The following ARHGAP42 variants were observed in gnomAD, a reference collection of about 807,000 sequenced individuals.
The protein encoded by ARHGAP42 is rho GTPase-activating protein 42.
In ARHGAP42, 63 loss-of-function variants were observed where a neutral mutation model predicts 125.0. The observed-to-expected ratio is 0.50, with a 90% CI of 0.41 to 0.62. ARHGAP42 has a LOEUF of 0.62. Ranked by LOEUF, ARHGAP42 falls within the 20% of genes least tolerant of loss-of-function variation. The probability of loss-of-function intolerance (pLI) is 0.00; values close to 1 mark genes in which losing one functional copy is unlikely to be tolerated. For synonymous variants in ARHGAP42, 339 were observed against 351.0 expected (o/e 0.97, Z 0.38); for missense variants, 766 against 1,024.2 (o/e 0.75, Z 3.44).
chr11:100,741,424 G>A (rs569651842), intron 1 of ARHGAP42, among the ~76,000 whole-genome samples: 1 of 152,336 alleles, frequency 6.6e-6, no homozygotes, highest in South Asian at 2.1e-4. Flanking sequence ...TAAAGTGTGT[G>A]TGAATAGAGA....
intron 1 of ARHGAP42, among the ~76,000 whole-genome samples, chr11:100,763,123 C>A (rs536682816): frequency 6.6e-6 from 1 of 151,394 alleles, no homozygotes; most frequent in South Asian, 2.1e-4. Flanking sequence ...GGGATACAGG[C>A]ATGCGCTACC....
At chr11:100,900,727 T>C (rs557317658) in intron 4 of ARHGAP42, among the ~76,000 whole-genome samples, 1 of 152,312 alleles carries the variant, frequency 6.6e-6, no homozygotes, top group South Asian at 2.1e-4. Context: ...GTATGCATCA[T>C]GAAGTTCTCT....
intron 3 of ARHGAP42, among the ~76,000 whole-genome samples, chr11:100,822,816 C>A (rs557856947): frequency 6.6e-6 from 1 of 152,188 alleles, no homozygotes; most frequent in South Asian, 2.1e-4. Context: ...TGGGAGACAT[C>A]TTTAGATAAT....
intron 4 of ARHGAP42, among the ~76,000 whole-genome samples, chr11:100,867,466 C>T (rs1565249796): frequency 2.6e-5 from 4 of 152,232 alleles, no homozygotes; most frequent in Non-Finnish European, 1.5e-5. Context: ...TACTTTTCTT[C>T]CCCATGAACC....
chr11:100,733,553 G>A (rs898948966), intron 1 of ARHGAP42, among the ~76,000 whole-genome samples: 2 of 152,122 alleles, frequency 1.3e-5, no homozygotes, highest in Non-Finnish European at 2.9e-5. Context: ...GCTGCATGCT[G>A]TGGCTCATGC....
chr11:100,829,378 T>G (rs1864609267), intron 3 of ARHGAP42, among the ~76,000 whole-genome samples: 1 of 151,750 alleles, frequency 6.6e-6, no homozygotes, highest in Admixed American at 6.6e-5. Flanking sequence ...AAAAAAAGAC[T>G]TTCAAGACTT....
At chr11:100,783,870 C>T (rs1391931579) in intron 2 of ARHGAP42, among the ~76,000 whole-genome samples, 1 of 152,154 alleles carries the variant, frequency 6.6e-6, no homozygotes, top group Non-Finnish European at 1.5e-5. Flanking sequence ...TGCAAAGAAC[C>T]TCCTGGTTCA....
chr11:100,713,339 T>C (rs1861596395), intron 1 of ARHGAP42, among the ~76,000 whole-genome samples: 1 of 152,150 alleles, frequency 6.6e-6, no homozygotes, highest in African/African-American at 2.4e-5. Context: ...AGGAGAAAAT[T>C]TGAGACTTGG....
intron 21 of ARHGAP42, 58 bp downstream of exon 21, chr11:100,977,029 GT>G: frequency 1.3e-6 from 2 of 1,534,294 alleles, no homozygotes; most frequent in Non-Finnish European, 1.8e-6. Flanking sequence ...GGAGTTGAGT[GT>G]TTCAGAAGAA....
intron 5 of ARHGAP42, among the ~76,000 whole-genome samples, chr11:100,919,495 G>C (rs1039742939): frequency 6.6e-6 from 1 of 151,898 alleles, no homozygotes; most frequent in Non-Finnish European, 1.5e-5. Context: ...AAACATTTTA[G>C]ACTCTAAAGG....
chr11:100,962,377 A>G (rs1441987487), intron 15 of ARHGAP42, 32 bp from the exon 16 acceptor site: 2 of 1,530,302 alleles, frequency 1.3e-6, no homozygotes, highest in Non-Finnish European at 1.8e-6. Flanking sequence ...AGATTCTACT[A>G]TTCTAACATG....
chr11:100,845,649 A>T (rs981330643), intron 3 of ARHGAP42, among the ~76,000 whole-genome samples: 1 of 152,162 alleles, frequency 6.6e-6, no homozygotes, highest in Non-Finnish European at 1.5e-5. Flanking sequence ...GCTGAAGAAA[A>T]CCTACCTAGG....
chr11:100,872,333 T>C (rs1865716352), intron 4 of ARHGAP42, among the ~76,000 whole-genome samples: 1 of 152,200 alleles, frequency 6.6e-6, no homozygotes, highest in African/African-American at 2.4e-5. Context: ...TAGTAGACTT[T>C]TTGGTGAGAC....
rs138960891 is a variant in ARHGAP42, at chr11:100,991,865, G to GA, written c.*3072dup. On this transcript the variant is annotated 3_prime_UTR_variant, in exon 24 of 24. Transcript: ENST00000298815. The stretch of plus-strand genomic sequence containing the variant: ...CTGACTCTTTTCAGAGATAGTGAAG[G>GA]AAAAAAAATGTATTAAAACCCCAAA... 14,204 of 153,642 alleles carry GA rather than the reference G, an allele frequency of 0.092. 945 individuals carry two copies. Among genetic ancestry groups the GA allele is most frequent in the Non-Finnish European group, 0.13 (8,813 of 69,204 alleles). 9.5% of individuals were successfully genotyped at this position (153,642 alleles called of 1,614,324 possible).
intron 1 of ARHGAP42, among the ~76,000 whole-genome samples, chr11:100,765,288 C>A (rs1862803592): frequency 6.6e-6 from 1 of 152,178 alleles, no homozygotes; most frequent in Admixed American, 6.5e-5. Context: ...CAACTCTACC[C>A]CTACACACTC....
chr11:100,726,369 G>T (rs1861861910), intron 1 of ARHGAP42, among the ~76,000 whole-genome samples: 1 of 152,122 alleles, frequency 6.6e-6, no homozygotes, highest in South Asian at 2.1e-4. Context: ...GATAATGGAA[G>T]TAAAGTAATT....
At chr11:100,810,190 G>A (rs1049187012) in intron 3 of ARHGAP42, among the ~76,000 whole-genome samples, 3 of 151,978 alleles carry the variant, frequency 2.0e-5, no homozygotes, top group African/African-American at 7.3e-5. Flanking sequence ...GGACTTACAT[G>A]TGTAAAATTA....
chr11:100,723,270 G>A (rs1419455238), intron 1 of ARHGAP42, among the ~76,000 whole-genome samples: 3 of 152,020 alleles, frequency 2.0e-5, no homozygotes, highest in Non-Finnish European at 4.4e-5. Context: ...TGCATCCTTC[G>A]CCTTTCAGTA....
At chr11:100,986,082 T>C (rs1000357514) in intron 22 of ARHGAP42, 1 of 456,580 alleles carries the variant, frequency 2.2e-6, no homozygotes, top group Non-Finnish European at 4.4e-6. Flanking sequence ...AGCTAACATT[T>C]CCTGAGTTAT....
Sources: allele counts gnomAD v4.1 joint callset (sites outside exome capture counted in the v4.1 genomes callset), GRCh38; gene constraint gnomAD v4.1.1; transcripts MANE v1.5; gene names NCBI Gene and HGNC (gene_info 2026-07-23, HGNC 2026-07-21).